NUP93: variants seen among roughly 807,000 people sequenced by gnomAD.
NUP93 encodes nucleoporin 93.
In NUP93, 55 loss-of-function variants were observed where a neutral mutation model predicts 107.8. The observed-to-expected ratio is 0.51, with a 90% CI of 0.41 to 0.64. The LOEUF (loss-of-function observed/expected upper bound fraction) is 0.64. NUP93 is among the 30% of genes least tolerant of loss of function. The pLI, the probability that NUP93 is intolerant of heterozygous loss-of-function variation, is 0.00. For missense variants in NUP93, 937 were observed against 1,044.7 expected (o/e 0.90, Z 1.42); for synonymous variants, 390 against 397.5 (o/e 0.98, Z 0.22).
Position 56,829,077 on chromosome 16 carries a change from A to G in NUP93, c.895A>G (p.Ile299Val). ...CCAATTGGTTCGAAGTTTCCTGAAC[A>G]TTAAACTGCCAGCTCCCTTGCCTGG... Reference protein sequence around the residue: ...TYQLVRSFLNIKLPAPLPGLQ... With the variant: ...TYQLVRSFLNVKLPAPLPGLQ... The change falls in exon 9 of 22, where the codon ATT becomes GTT. Residue 299 changes from isoleucine (I) to valine (V), a missense_variant. Ile to Val is a conservative substitution (Grantham distance 29). Transcript: ENST00000308159. 1.9e-6 allele frequency: 3 copies of G among 1,613,248 alleles called. No homozygotes were observed. Among genetic ancestry groups the G allele is most frequent in the East Asian group, 2.2e-5 (1 of 44,842 alleles).
intron 3 of NUP93, among the ~76,000 whole-genome samples, chr16:56,777,173 C>T (rs923774805): frequency 3.7e-4 from 57 of 152,190 alleles, no homozygotes; most frequent in African/African-American, 1.3e-3. Flanking sequence ...ACTATACTTC[C>T]TCTTCCCATT....
chr16:56,817,000 A>G (rs560707603), intron 5 of NUP93, among the ~76,000 whole-genome samples: 4 of 152,268 alleles, frequency 2.6e-5, no homozygotes, highest in South Asian at 4.1e-4. Flanking sequence ...GCATCAACCT[A>G]ATAACTCGAA....
At chr16:56,731,245 A>C (rs1961529997) in intron 1 of NUP93, among the ~76,000 whole-genome samples, 1 of 152,044 alleles carries the variant, frequency 6.6e-6, no homozygotes, top group African/African-American at 2.4e-5. Context: ...AGGCAACTCA[A>C]ATTAAACATG....
chr16:56,803,856 A>G (rs1010642063), intron 4 of NUP93, among the ~76,000 whole-genome samples: 3 of 152,014 alleles, frequency 2.0e-5, no homozygotes, highest in Non-Finnish European at 4.4e-5. Context: ...TGCAACCTCT[A>G]TTCTCATGTC....
At chr16:56,828,238 A>G (rs1461694877) in intron 8 of NUP93, among the ~76,000 whole-genome samples, 1 of 152,018 alleles carries the variant, frequency 6.6e-6, no homozygotes, top group African/African-American at 2.4e-5. Context: ...AAAGACAAAA[A>G]TAGTGGTAGA....
intron 11 of NUP93, 30 bp downstream of exon 11, chr16:56,832,037 G>C: frequency 6.2e-7 from 1 of 1,612,092 alleles, no homozygotes; most frequent in Non-Finnish European, 8.5e-7. Flanking sequence ...CCCACATAGG[G>C]CTTTACCCCT....
In NUP93 at chr16:56,797,137, G is replaced by A. The variant is rs377721557; in HGVS notation, c.298-1339G>A. On this transcript the variant is annotated intron_variant, in intron 3 of 21. Coordinates refer to ENST00000308159, the MANE Select transcript of NUP93 (RefSeq NM_014669.5). ...ATACAAAAACTAGCAGGGTGTGGTG[G>A]TGCATGCTTGTAATCCCAGCTACTT... is the stretch of plus-strand genomic sequence containing the variant. Among the ~76,000 whole-genome samples the A allele has an allele frequency of 4.5e-4, 69 of 151,878 alleles. 1 individual carries two copies. The South Asian group carries it at 0.014, about 32-fold the overall frequency.
At chr16:56,731,379 G>T (rs757021573) in intron 1 of NUP93, among the ~76,000 whole-genome samples, 1 of 150,978 alleles carries the variant, frequency 6.6e-6, no homozygotes, top group Non-Finnish European at 1.5e-5. Context: ...GTTGACTGCT[G>T]TCTTTCTTTT....
intron 15 of NUP93, 23 bp downstream of exon 15, chr16:56,834,465 C>G (rs751367650): frequency 5.0e-6 from 8 of 1,611,902 alleles, no homozygotes; most frequent in African/African-American, 1.3e-5. Context: ...CCTTTTCTCT[C>G]CTCCCCATGG....
At chr16:56,788,350 G>C (rs1459014895) in intron 3 of NUP93, among the ~76,000 whole-genome samples, 1 of 152,186 alleles carries the variant, frequency 6.6e-6, no homozygotes, top group African/African-American at 2.4e-5. Flanking sequence ...GTACAGAGCA[G>C]TCAATTCCTT....
At chr16:56,773,603 T>C (rs1176655017) in intron 3 of NUP93, among the ~76,000 whole-genome samples, 1 of 152,240 alleles carries the variant, frequency 6.6e-6, no homozygotes, top group African/African-American at 2.4e-5. Flanking sequence ...AGCATCAGCA[T>C]CACCTGGGAA....
Position 56,844,992 on chromosome 16 carries a change from A to T in NUP93, c.*383A>T, listed in dbSNP as rs1596871358. 3 of 291,512 alleles carry T rather than the reference A, an allele frequency of 1.0e-5. No individual in the cohort carries two copies. The South Asian group carries it at 4.9e-4, about 47-fold the overall frequency. The allele number at this position is 291,512 out of a possible 1,614,324, so 18.1% of individuals were successfully genotyped here. Reference sequence around the variant, plus strand: ...TACTTTTATTTAGATATAATATTCCATATAGCAGAGTCACGATTCATTTTC... The same window carrying T: ...TACTTTTATTTAGATATAATATTCCTTATAGCAGAGTCACGATTCATTTTC... On this transcript the variant is annotated 3_prime_UTR_variant, in exon 22 of 22. Coordinates refer to ENST00000308159, the MANE Select transcript of NUP93 (RefSeq NM_014669.5).
At chr16:56,811,205 A>G (rs1596827276) in intron 5 of NUP93, among the ~76,000 whole-genome samples, 1 of 152,346 alleles carries the variant, frequency 6.6e-6, no homozygotes, top group East Asian at 1.9e-4. Flanking sequence ...CAAAATGGTT[A>G]TATTGGAGTA....
chr16:56,792,656 T>A (rs958157945), intron 3 of NUP93, among the ~76,000 whole-genome samples: 9 of 152,238 alleles, frequency 5.9e-5, no homozygotes, highest in African/African-American at 1.9e-4. Context: ...ACCAGATGTG[T>A]GTAACACACT....
rs145354871 is a variant in NUP93 at position 56,747,412 on chromosome 16, C to G, written c.-14-822C>G. 2.0e-5 allele frequency among the ~76,000 whole-genome samples: 3 copies of G among 152,310 alleles called. No individual in the cohort carries two copies. The East Asian group carries it at 5.8e-4, about 29-fold the overall frequency. ...AGAATAGTGCAGTATATATTCTGTA[C>G]TACTGGCATTTCTAAAAGTAGCAGG... On this transcript the variant is annotated intron_variant, in intron 1 of 21. Coordinates refer to ENST00000308159, the MANE Select transcript of NUP93 (RefSeq NM_014669.5).
At chr16:56,765,251 T>C (rs1962196704) in intron 3 of NUP93, among the ~76,000 whole-genome samples, 1 of 152,238 alleles carries the variant, frequency 6.6e-6, no homozygotes. Flanking sequence ...TGGAATCTAA[T>C]GGTGTGAAGG....
intron 3 of NUP93, among the ~76,000 whole-genome samples, chr16:56,774,907 T>TG (rs1236301178): frequency 6.6e-6 from 1 of 151,554 alleles, no homozygotes; most frequent in Non-Finnish European, 1.5e-5. Flanking sequence ...GTTTTTGTTT[T>TG]TTTTTTTTTT....
In NUP93 at chr16:56,799,346, ATG is replaced by A. The variant is rs574648020; in HGVS notation, c.360+811_360+812del. Among the ~76,000 whole-genome samples the A allele has an allele frequency of 3.9e-5, 6 of 152,320 alleles. No individual in the cohort carries two copies. In the East Asian group the frequency reaches 1.2e-3, roughly 29 times the overall value. ...AAGTCCGCCAAAGACCAGCCATTAT[ATG>A]TGCAACAATATTCTGCAACAAGCAG... On this transcript the variant is annotated intron_variant, in intron 4 of 21. Transcript: ENST00000308159.
rs776322514 is a variant in NUP93 at position 56,831,856 on chromosome 16, C to T, written c.1100C>T (p.Thr367Met). Residue 367 changes from threonine to methionine, a missense_variant, in exon 11 of 22, where the codon ACG (threonine) becomes ATG (methionine). By Grantham distance (81) the Thr-to-Met change is moderately conservative. Coordinates refer to ENST00000308159, the MANE Select transcript of NUP93 (RefSeq NM_014669.5). Reference sequence around the variant, plus strand: ...TATGTCTGTAGATTGTCCCCAGCTACGGAAAACAAGCTCCGGCTGCATTAC... The same window carrying T: ...TATGTCTGTAGATTGTCCCCAGCTATGGAAAACAAGCTCCGGCTGCATTAC... ...NSKDRRLSPA[T>M]ENKLRLHYRR... 1.1e-4 allele frequency: 182 copies of T among 1,613,824 alleles called. No homozygotes were observed. Among genetic ancestry groups the T allele is most frequent in the Middle Eastern group, 1.6e-4 (1 of 6,080 alleles).
Sources: allele counts gnomAD v4.1 joint callset (sites outside exome capture counted in the v4.1 genomes callset), GRCh38; gene constraint gnomAD v4.1.1; transcripts MANE v1.5; gene names NCBI Gene and HGNC (gene_info 2026-07-23, HGNC 2026-07-21).